The following RIGI variants were observed in gnomAD, a reference collection of about 807,000 sequenced individuals.
RIGI encodes the protein RNA sensor RIG-I, also known as antiviral innate immune response receptor RIG-I.
the RIGI span, chr9:32,491,518 A>G: frequency 4.2e-6 from 4 of 943,102 alleles, no homozygotes; most frequent in African/African-American, 6.7e-5. Context: ...AAGATTTTTA[A>G]CTTCTATTAA....
At chr9:32,488,796 C>G in the RIGI span, 4 of 1,613,064 alleles carry the variant, frequency 2.5e-6, no homozygotes, top group Non-Finnish European at 3.4e-6. Context: ...GGATCTGATT[C>G]GCAAAAAAGA....
the RIGI span, among the ~76,000 whole-genome samples, chr9:32,515,621 A>G: frequency 2.0e-5 from 3 of 152,172 alleles, no homozygotes; most frequent in Non-Finnish European, 4.4e-5. Flanking sequence ...TTTCAAAAGA[A>G]CTGCCTACAT....
the RIGI span, among the ~76,000 whole-genome samples, chr9:32,525,904 ACT>A: frequency 6.5e-3 from 993 of 152,204 alleles, 13 homozygotes; most frequent in African/African-American, 0.022. Flanking sequence ...GGCTCCTCAA[ACT>A]CTGGCAACCT....
At chr9:32,481,186 CAACT>C in the RIGI span, among the ~76,000 whole-genome samples, 1 of 152,146 alleles carries the variant, frequency 6.6e-6, no homozygotes, top group African/African-American at 2.4e-5. Flanking sequence ...TTGAATGGGA[CAACT>C]TTTGGAGTTT....
chr9:32,488,982 G>T, the RIGI span: 1 of 959,194 alleles, frequency 1.0e-6, no homozygotes. Flanking sequence ...ATACCACTGA[G>T]CTGACTAATT....
At chr9:32,499,325 T>TG in the RIGI span, among the ~76,000 whole-genome samples, 18 of 149,706 alleles carry the variant, frequency 1.2e-4, 1 homozygote, top group East Asian at 2.7e-3. Context: ...TGTTTTTTTT[T>TG]TTTTTTTTTT....
the RIGI span, among the ~76,000 whole-genome samples, chr9:32,469,582 G>A: frequency 6.6e-6 from 1 of 152,202 alleles, no homozygotes; most frequent in Non-Finnish European, 1.5e-5. Context: ...AATTATCCCG[G>A]TAGCAGCCAC....
the RIGI span, among the ~76,000 whole-genome samples, chr9:32,499,316 GTTT>G: frequency 0.04 from 2,306 of 57,582 alleles, 17 homozygotes; most frequent in African/African-American, 0.13. Flanking sequence ...TTTGTGATTT[GTTT>G]TTTTTTTTTT....
chr9:32,467,819 T>G, the RIGI span: 1 of 1,612,822 alleles, frequency 6.2e-7, no homozygotes, highest in Non-Finnish European at 8.5e-7. Context: ...ATGACAAGAT[T>G]GCACTGTGCA....
At chr9:32,508,386 C>T in the RIGI span, among the ~76,000 whole-genome samples, 1 of 151,908 alleles carries the variant, frequency 6.6e-6, no homozygotes, top group East Asian at 1.9e-4. Flanking sequence ...TCTGCATTTC[C>T]AACAGAGGTA....
the RIGI span, chr9:32,481,353 G>A: frequency 6.2e-7 from 1 of 1,611,786 alleles, no homozygotes; most frequent in Admixed American, 1.7e-5. Context: ...CAAATGTGAA[G>A]TGTATAAAAA....
the RIGI span, chr9:32,489,031 C>A: frequency 1.3e-6 from 1 of 790,854 alleles, no homozygotes; most frequent in South Asian, 2.6e-5. Flanking sequence ...ACAGAATTTA[C>A]ACTATGACTA....
the RIGI span, among the ~76,000 whole-genome samples, chr9:32,458,411 A>G: frequency 2.6e-5 from 4 of 152,216 alleles, no homozygotes; most frequent in African/African-American, 4.8e-5. Context: ...CCACCAAAAT[A>G]TTAATACATT....
chr9:32,459,179 C>A, the RIGI span, among the ~76,000 whole-genome samples: 2 of 152,146 alleles, frequency 1.3e-5, no homozygotes, highest in Admixed American at 6.5e-5. Flanking sequence ...AGCCACTATG[C>A]CTGGCCAAAA....
chr9:32,485,092 T>C, the RIGI span: 1 of 1,017,724 alleles, frequency 9.8e-7, no homozygotes, highest in East Asian at 2.4e-5. Flanking sequence ...TTGTCTGAAC[T>C]AAGGAGAACA....
the RIGI span, among the ~76,000 whole-genome samples, chr9:32,513,144 C>T: frequency 6.6e-6 from 1 of 151,820 alleles, no homozygotes; most frequent in South Asian, 2.1e-4. Context: ...GGCCATACTG[C>T]CCAAGGTAAT....
At chr9:32,493,715 A>G in the RIGI span, 3 of 1,274,502 alleles carry the variant, frequency 2.4e-6, no homozygotes, top group Non-Finnish European at 3.3e-6. Context: ...AGACCTTCCC[A>G]TGTTATAATT....
the RIGI span, among the ~76,000 whole-genome samples, chr9:32,488,445 G>T: frequency 6.6e-6 from 1 of 152,110 alleles, no homozygotes; most frequent in African/African-American, 2.4e-5. Context: ...GTACGTAAAA[G>T]AATAATATCA....
the RIGI span, among the ~76,000 whole-genome samples, chr9:32,508,258 T>TTTTTTTTTTTTTTTTTTTTTTA: frequency 5.1e-5 from 7 of 138,046 alleles, no homozygotes; most frequent in East Asian, 4.4e-4. Flanking sequence ...TTTTTTTTTT[T>TTTTTTTTTTTTTTTTTTTTTTA]ACTATATGAA....
Sources: gnomAD v4.1 joint callset for allele counts (sites outside exome capture counted in the v4.1 genomes callset) on GRCh38, gnomAD v4.1.1 for gene constraint, MANE v1.5 for transcripts, NCBI Gene and HGNC (gene_info 2026-07-23, HGNC 2026-07-21) for gene names.